The following MDGA1 variants were observed in gnomAD, a reference collection of about 807,000 sequenced individuals.
MDGA1 encodes MAM domain-containing glycosylphosphatidylinositol anchor protein 1.
Under a neutral mutation model 101.5 loss-of-function variants are expected in MDGA1, and 54 were observed. The ratio of observed to expected loss-of-function variants is 0.53; its 90% CI spans 0.43 to 0.67. MDGA1 has a LOEUF of 0.67. Among genes scored for constraint, MDGA1 ranks in the 30% least tolerant of loss-of-function variants. The pLI, the probability that MDGA1 is intolerant of heterozygous loss-of-function variation, is 0.00. For missense variants in MDGA1, 1,083 were observed against 1,323.8 expected (o/e 0.82, Z 2.82); for synonymous variants, 533 against 558.3 (o/e 0.95, Z 0.64).
intron 9 of MDGA1, 131 bp from the exon 10 acceptor site, chr6:37,647,455 G>T: frequency 6.9e-6 from 4 of 579,692 alleles, no homozygotes; most frequent in East Asian, 3.3e-5. Context: ...AAGAGAAAGG[G>T]AATATTGTGA....
intron 1 of MDGA1, among the ~76,000 whole-genome samples, chr6:37,686,049 T>C (rs1762190680): frequency 1.3e-5 from 2 of 152,210 alleles, no homozygotes; most frequent in Admixed American, 1.3e-4. Flanking sequence ...TCTCCCTTTC[T>C]TTCTAACAGA....
intron 1 of MDGA1, among the ~76,000 whole-genome samples, chr6:37,666,091 T>C (rs12198286): frequency 0.27 from 40,743 of 151,424 alleles, 6,567 homozygotes; most frequent in Non-Finnish European, 0.36. Flanking sequence ...CTCACGCCTG[T>C]AATCCCAGCC....
chr6:37,680,837 G>A (rs1392614627), intron 1 of MDGA1, among the ~76,000 whole-genome samples: 1 of 152,272 alleles, frequency 6.6e-6, no homozygotes, highest in Admixed American at 6.5e-5. Flanking sequence ...GCGCACGCCT[G>A]GCGCAGGCCC....
At position 37,658,267 on chromosome 6, in the gene MDGA1, C is replaced by T; in HGVS notation, c.360G>A (p.Lys120=). The part of the protein sequence containing the change: ...AENGVGVPAI[K]SIRVDVQYLD... Reference sequence around the variant, plus strand: ...CACACTGCACGTCCACGCGGATGGACTTGATGGCCGGCACCCCCACGCCGT... The same window carrying T: ...CACACTGCACGTCCACGCGGATGGATTTGATGGCCGGCACCCCCACGCCGT... Residue 120 remains lysine (K), a synonymous_variant, in exon 3 of 17, where the codon AAG becomes AAA. Transcript: ENST00000434837. The T allele has an allele frequency of 6.2e-7, 1 of 1,605,736 alleles. No homozygotes were observed. Among genetic ancestry groups the T allele is most frequent in the Non-Finnish European group, 8.5e-7 (1 of 1,176,146 alleles).
intron 1 of MDGA1, among the ~76,000 whole-genome samples, chr6:37,683,641 G>T (rs1374280239): frequency 6.6e-6 from 1 of 152,166 alleles, no homozygotes; most frequent in African/African-American, 2.4e-5. Context: ...AGGCGGGGTG[G>T]GTGTATACAT....
At chr6:37,648,707 G>A (rs1761278665) in intron 9 of MDGA1, 1 of 551,958 alleles carries the variant, frequency 1.8e-6, no homozygotes, top group African/African-American at 2.0e-5. Flanking sequence ...CTTGGAAGGC[G>A]AAGGCCTCAA....
chr6:37,651,280 T>C (rs1250089762), intron 7 of MDGA1, among the ~76,000 whole-genome samples: 5 of 152,208 alleles, frequency 3.3e-5, no homozygotes, highest in Admixed American at 6.5e-5. Flanking sequence ...ACCCAACACA[T>C]TGCCCAATCA....
chr6:37,674,166 T>A (rs73415408), intron 1 of MDGA1, among the ~76,000 whole-genome samples: 11 of 152,174 alleles, frequency 7.2e-5, no homozygotes, highest in African/African-American at 2.4e-4. Context: ...CCTTTTCTGC[T>A]CATCAAAACC....
chr6:37,694,189 C>T (rs1332730246), intron 1 of MDGA1, among the ~76,000 whole-genome samples: 1 of 152,210 alleles, frequency 6.6e-6, no homozygotes, highest in Admixed American at 6.5e-5. Flanking sequence ...GCCTCCCTCC[C>T]CAGTGCCAGG....
chr6:37,689,115 C>A (rs1762257006), intron 1 of MDGA1, among the ~76,000 whole-genome samples: 1 of 151,992 alleles, frequency 6.6e-6, no homozygotes, highest in Admixed American at 6.6e-5. Flanking sequence ...CTTTCTCATT[C>A]CTCCTCCTCC....
At chr6:37,671,165 A>G (rs977585688) in intron 1 of MDGA1, among the ~76,000 whole-genome samples, 3 of 152,216 alleles carry the variant, frequency 2.0e-5, no homozygotes, top group African/African-American at 7.2e-5. Context: ...CTGATAGTCC[A>G]TCACAGACGA....
Position 37,697,373 on chromosome 6 carries a change from G to A in MDGA1, c.-562C>T, listed in dbSNP as rs1762444115. The A allele has an allele frequency of 6.6e-6, 1 of 152,018 alleles. No homozygotes were observed. The highest frequency in any genetic ancestry group is 6.5e-5 in the Admixed American group (1 of 15,278). The allele number at this position is 152,018 out of a possible 1,614,324, so 9.4% of individuals were successfully genotyped here. A position where few individuals can be genotyped will look rare whatever the true frequency, so the allele number is the denominator to read the frequency against. ...GGCTGAAAGCACTCGCGGCGGCGAA[G>A]CAGCCCCGGGCCCGGCCCTCCTGAT... On this transcript the variant is annotated 5_prime_UTR_variant, in exon 1 of 17. Coordinates refer to ENST00000434837, the MANE Select transcript of MDGA1 (RefSeq NM_153487.4).
At chr6:37,641,613 G>A (rs990662923) in intron 14 of MDGA1, 1 of 151,938 alleles carries the variant, frequency 6.6e-6, no homozygotes, top group South Asian at 2.1e-4. Flanking sequence ...TTTGAACTTT[G>A]TCATAAGCAT....
chr6:37,691,874 G>A (rs773077111), intron 1 of MDGA1, among the ~76,000 whole-genome samples: 1 of 152,202 alleles, frequency 6.6e-6, no homozygotes, highest in Non-Finnish European at 1.5e-5. Flanking sequence ...AAGGGCACAA[G>A]CACCCCCATT....
In MDGA1 at chr6:37,637,508, G is replaced by A. The variant is rs915407033; in HGVS notation, c.2777-49C>T. On this transcript the variant is annotated intron_variant, in intron 16 of 16. Coordinates refer to ENST00000434837, the MANE Select transcript of MDGA1 (RefSeq NM_153487.4). ...ACAGGCCAGGGCTCTGGTCAGCTCT[G>A]GCAGGGGCAGGAAGTGGCAGGCAGG... 3 of 1,539,786 alleles carry A rather than the reference G, an allele frequency of 1.9e-6. No homozygotes were observed. The African/African-American group carries it at 4.1e-5, about 21-fold the overall frequency.
intron 12 of MDGA1, 121 bp from the exon 13 acceptor site, chr6:37,644,770 G>C: frequency 9.0e-7 from 1 of 1,112,784 alleles, no homozygotes. Flanking sequence ...CCAGGATTCC[G>C]GGCTTCAAAA....
chr6:37,663,973 T>G lies in MDGA1; in HGVS notation c.201A>C (p.Arg67=), dbSNP rs1761683289. 5.6e-6 allele frequency: 9 copies of G among 1,613,458 alleles called. No individual in the cohort carries two copies. The highest frequency in any genetic ancestry group is 6.8e-6 in the Non-Finnish European group (8 of 1,179,742). Residue 67 remains arginine (R), a synonymous_variant, in exon 2 of 17, where the codon CGA becomes CGC. Transcript: ENST00000434837. ...GGCTGGGCTGGGGGCTTACCTGGGG[T>G]CGAGGGTGCCCTGTTACAAGGCACT... The part of the protein sequence containing the change: ...MLQCLVTGHP[R]PQVRWTKTAG...
chr6:37,638,709 GGGCA>G lies in MDGA1; in HGVS notation c.2537-46_2537-43del. 3 of 1,581,632 alleles carry G rather than the reference GGGCA, an allele frequency of 1.9e-6. No individual in the cohort carries two copies. Among genetic ancestry groups the G allele is most frequent in the Middle Eastern group, 3.3e-4 (2 of 6,014 alleles). ...GACAGTGGGCAGTGAGATCTGGCCAGGGCACCCTCACCTTTCCACATTTACCAAG... is the reference window on the plus strand; with the variant it reads ...GACAGTGGGCAGTGAGATCTGGCCAGCCCTCACCTTTCCACATTTACCAAG... On this transcript the variant is annotated intron_variant, in intron 14 of 16. Coordinates refer to ENST00000434837, the MANE Select transcript of MDGA1 (RefSeq NM_153487.4). The surrounding 1 kb of genome is among the most constrained non-coding windows in gnomAD (Gnocchi z 4.8).
At chr6:37,673,641 C>G (rs1177571459) in intron 1 of MDGA1, among the ~76,000 whole-genome samples, 1 of 152,144 alleles carries the variant, frequency 6.6e-6, no homozygotes, top group Non-Finnish European at 1.5e-5. Flanking sequence ...GCCCTTACCA[C>G]AGCCCCGCTC....
Sources: allele counts gnomAD v4.1 joint callset (sites outside exome capture counted in the v4.1 genomes callset), GRCh38; gene constraint gnomAD v4.1.1; non-coding constraint Gnocchi (gnomAD v3.1); transcripts MANE v1.5; gene names NCBI Gene and HGNC (gene_info 2026-07-23, HGNC 2026-07-21).